The following ITPR1 variants were observed in gnomAD, a reference collection of about 807,000 sequenced individuals.
The protein encoded by ITPR1 is inositol 1,4,5-trisphosphate receptor type 1.
ITPR1 carries 96 observed loss-of-function variants against 318.4 expected under a neutral mutation model. That is an observed-to-expected ratio of 0.30 (90% CI 0.26 to 0.36). The LOEUF is 0.36. ITPR1 is among the 10% of genes least tolerant of loss of function. The probability of loss-of-function intolerance (pLI) is 1.00; values close to 1 mark genes in which losing one functional copy is unlikely to be tolerated. For missense variants in ITPR1, 2,440 were observed against 3,460.2 expected, an observed-to-expected ratio of 0.71 and a Z score of 7.40; for synonymous variants, 1,312 against 1,289.9, an observed-to-expected ratio of 1.02 and a Z score of -0.37.
chr3:4,672,517 T>G (rs2094108493), intron 20 of ITPR1, among the ~76,000 whole-genome samples: 1 of 152,236 alleles, frequency 6.6e-6, no homozygotes, highest in Non-Finnish European at 1.5e-5. Flanking sequence ...CTTTCAGTGT[T>G]TGATGAATCT....
At chr3:4,811,623 A>T (rs779018871) in intron 56 of ITPR1, among the ~76,000 whole-genome samples, 163 bp downstream of exon 56, 18 of 152,252 alleles carry the variant, frequency 1.2e-4, no homozygotes, top group Non-Finnish European at 2.2e-4. Context: ...CTCACAATGA[A>T]TGTGGCAATG....
intron 4 of ITPR1, among the ~76,000 whole-genome samples, chr3:4,562,286 T>G (rs951951668): frequency 7.2e-5 from 11 of 152,214 alleles, no homozygotes; most frequent in Non-Finnish European, 1.5e-4. Context: ...CTATTTTTTC[T>G]AAGAAAAATT....
intron 4 of ITPR1, among the ~76,000 whole-genome samples, chr3:4,623,441 A>G (rs1306687307): frequency 3.3e-5 from 5 of 152,220 alleles, no homozygotes; most frequent in Non-Finnish European, 7.3e-5. Flanking sequence ...CTTGTCACAT[A>G]AGACATTCTT....
At chr3:4,660,910 A>G (rs922196405) in intron 13 of ITPR1, 78 bp from the exon 14 acceptor site, 1 of 671,718 alleles carries the variant, frequency 1.5e-6, no homozygotes, top group Non-Finnish European at 2.4e-6. Context: ...CTATTTTGAT[A>G]GATTATATTC....
At chr3:4,697,390 C>A in intron 34 of ITPR1, 118 bp downstream of exon 34, 1 of 890,992 alleles carries the variant, frequency 1.1e-6, no homozygotes, top group Non-Finnish European at 1.6e-6. Context: ...ACAGCTGCAT[C>A]ATTTCTACTC....
At chr3:4,763,276 G>C (rs1260230014) in intron 44 of ITPR1, among the ~76,000 whole-genome samples, 1 of 152,118 alleles carries the variant, frequency 6.6e-6, no homozygotes, top group African/African-American at 2.4e-5. Flanking sequence ...TGTGATGGGT[G>C]GGTTGACAGG....
At chr3:4,514,239 G>A (rs2082032409) in intron 2 of ITPR1, among the ~76,000 whole-genome samples, 1 of 152,180 alleles carries the variant, frequency 6.6e-6, no homozygotes, top group Non-Finnish European at 1.5e-5. Flanking sequence ...ACCTCCTGCT[G>A]TGGTCATGAG....
In ITPR1 at chr3:4,813,164, C is replaced by A; in HGVS notation, c.7491C>A (p.Ser2497Arg). 2 of 1,613,894 alleles carry A rather than the reference C, an allele frequency of 1.2e-6. No homozygotes were observed. The highest frequency in any genetic ancestry group is 1.7e-6 in the Non-Finnish European group (2 of 1,179,852). The change falls in exon 57 of 62, where the codon AGC (serine) becomes AGA (arginine). Residue 2497 changes from serine to arginine, a missense_variant. By Grantham distance (110) the Ser-to-Arg change is moderately radical (BLOSUM62 -1). Around this residue, in one of 23 missense-constraint regions of ITPR1, gnomAD observed 88 missense variants for 90.5 expected, o/e 0.97. Transcript: ENST00000649015. ...AVPETGESLA[S>R]EFLFSDVCRV... ...CAGAAACCGGCGAGAGTTTGGCAAG[C>A]GAGTTCCTGTTCTCCGATGTGTGTA...
At chr3:4,568,382 C>T (rs1366146529) in intron 4 of ITPR1, among the ~76,000 whole-genome samples, 2 of 152,174 alleles carry the variant, frequency 1.3e-5, no homozygotes, top group Admixed American at 1.3e-4. Context: ...TTGCTGAACA[C>T]CTATTATGTG....
intron 39 of ITPR1, among the ~76,000 whole-genome samples, chr3:4,713,311 A>C (rs2041518839): frequency 6.6e-6 from 1 of 152,236 alleles, no homozygotes; most frequent in South Asian, 2.1e-4. Flanking sequence ...TGATTTTTCA[A>C]ATCTGGAGAC....
At chr3:4,760,900 G>A (rs2045393884) in intron 44 of ITPR1, among the ~76,000 whole-genome samples, 1 of 152,210 alleles carries the variant, frequency 6.6e-6, no homozygotes, top group South Asian at 2.1e-4. Flanking sequence ...GTGATTAGCA[G>A]CTTTTGTTCC....
At chr3:4,575,106 G>T (rs2088489912) in intron 4 of ITPR1, among the ~76,000 whole-genome samples, 1 of 152,178 alleles carries the variant, frequency 6.6e-6, no homozygotes, top group Non-Finnish European at 1.5e-5. Flanking sequence ...TAGTGAAAAA[G>T]ACTTTCTTAG....
chr3:4,602,019 G>A (rs1293321858), intron 4 of ITPR1, among the ~76,000 whole-genome samples: 2 of 152,200 alleles, frequency 1.3e-5, no homozygotes, highest in Non-Finnish European at 2.9e-5. Flanking sequence ...GATGGCTAGA[G>A]TAAAAAAGAT....
At chr3:4,586,226 A>C (rs1002921515) in intron 4 of ITPR1, among the ~76,000 whole-genome samples, 3 of 152,232 alleles carry the variant, frequency 2.0e-5, no homozygotes, top group African/African-American at 7.2e-5. Flanking sequence ...CGCAATAAAC[A>C]TACATGGTAA....
intron 40 of ITPR1, among the ~76,000 whole-genome samples, chr3:4,722,918 G>A (rs2042264708): frequency 6.6e-6 from 1 of 152,224 alleles, no homozygotes; most frequent in Non-Finnish European, 1.5e-5. Context: ...GGAGCCCGAG[G>A]CAGGCGGATC....
chr3:4,703,260 C>T (rs2094692810), intron 36 of ITPR1, among the ~76,000 whole-genome samples: 1 of 152,138 alleles, frequency 6.6e-6, no homozygotes, highest in South Asian at 2.1e-4. Context: ...CTGGGAAGTC[C>T]CTCATTCAAG....
chr3:4,599,380 C>G (rs1246300008), intron 4 of ITPR1, among the ~76,000 whole-genome samples: 2 of 152,174 alleles, frequency 1.3e-5, no homozygotes, highest in Non-Finnish European at 2.9e-5. Flanking sequence ...TTTACCCTTA[C>G]AGTTTGGGAG....
chr3:4,652,478 C>T (rs535024064), intron 11 of ITPR1, among the ~76,000 whole-genome samples: 16 of 152,196 alleles, frequency 1.1e-4, no homozygotes, highest in African/African-American at 3.6e-4. Context: ...TCTAGGTTTT[C>T]GGTATTATTT....
At chr3:4,717,806 T>C (rs1574992784) in intron 40 of ITPR1, among the ~76,000 whole-genome samples, 1 of 152,300 alleles carries the variant, frequency 6.6e-6, no homozygotes, top group East Asian at 1.9e-4. Flanking sequence ...AATTTGAAAG[T>C]AGTAAAAAAG....
Sources: gnomAD v4.1 joint callset for allele counts (sites outside exome capture counted in the v4.1 genomes callset) on GRCh38, gnomAD v4.1.1 for gene constraint, gnomAD v4.1.1 regional missense constraint, MANE v1.5 for transcripts, NCBI Gene and HGNC (gene_info 2026-07-23, HGNC 2026-07-21) for gene names.